The following DMD variants were observed in gnomAD, a reference collection of about 807,000 sequenced individuals.
DMD encodes mutant dystrophin.
In DMD, 63 loss-of-function variants were observed where a neutral mutation model predicts 330.1. The ratio of observed to expected loss-of-function variants is 0.19; its 90% confidence interval spans 0.16 to 0.24. The LOEUF is 0.24. Among genes scored for constraint, DMD ranks in the 10% least tolerant of loss-of-function variants. The pLI, the probability that DMD is intolerant of heterozygous loss-of-function variation, is 1.00. For missense variants in DMD, 3,344 were observed against 2,684.1 expected (o/e 1.25, Z -5.43); for synonymous variants, 1,223 against 959.8 (o/e 1.27, Z -5.07).
intron 62 of DMD, among the ~76,000 whole-genome samples, chrX:31,319,004 C>T (rs1206064350): frequency 1.8e-5 from 2 of 112,311 alleles, no homozygotes; most frequent in African/African-American, 6.5e-5. Context: ...GAAAACCAAC[C>T]TTCGGCTAGA....
At chrX:31,948,833 T>C (rs1232430766) in intron 45 of DMD, among the ~76,000 whole-genome samples, 1 of 111,801 alleles carries the variant, frequency 8.9e-6, no homozygotes, top group Non-Finnish European at 1.9e-5. Context: ...CTTGTCACCT[T>C]TGTCATATAT....
At chrX:32,420,354 G>A (rs970351680) in intron 29 of DMD, among the ~76,000 whole-genome samples, 1 of 112,096 alleles carries the variant, frequency 8.9e-6, no homozygotes, top group Non-Finnish European at 1.9e-5. Context: ...GTTTATACAT[G>A]AGACAAAAGT....
intron 63 of DMD, among the ~76,000 whole-genome samples, chrX:31,228,874 T>C (rs182020767): frequency 7.1e-4 from 80 of 112,262 alleles, no homozygotes; most frequent in African/African-American, 2.4e-3. Context: ...ACTTGTATTA[T>C]TTTATCCAGG....
chrX:31,123,642 G>A (rs927493152), intron 78 of DMD, among the ~76,000 whole-genome samples: 5 of 112,095 alleles, frequency 4.5e-5, no homozygotes, highest in Non-Finnish European at 7.5e-5. Context: ...ATTGAAGATA[G>A]ATGGACTAAC....
intron 19 of DMD, among the ~76,000 whole-genome samples, chrX:32,494,136 G>C (rs1351120337): frequency 9.0e-6 from 1 of 111,469 alleles, no homozygotes; most frequent in Non-Finnish European, 1.9e-5. Context: ...AGGCTCTGCA[G>C]TATCCGTTAA....
At chrX:33,262,684 A>C (rs1465184793) in intron 1 of DMD, among the ~76,000 whole-genome samples, 1 of 111,193 alleles carries the variant, frequency 9.0e-6, no homozygotes, top group Non-Finnish European at 1.9e-5. Flanking sequence ...CTACAGGTGA[A>C]TAGAGAAAAG....
At chrX:32,350,738 A>G (rs1418733375) in intron 37 of DMD, among the ~76,000 whole-genome samples, 1 of 111,222 alleles carries the variant, frequency 9.0e-6, no homozygotes, top group Non-Finnish European at 1.9e-5. Flanking sequence ...AACCTCCTGC[A>G]TCTATTGAGT....
chrX:33,053,859 G>A (rs1432610359), intron 1 of DMD, among the ~76,000 whole-genome samples: 1 of 109,979 alleles, frequency 9.1e-6, no homozygotes, highest in Non-Finnish European at 1.9e-5. Flanking sequence ...GGATGGGTGG[G>A]TTCGGTGGGT....
intron 2 of DMD, among the ~76,000 whole-genome samples, chrX:33,010,062 A>ACATGTG (rs2093648346): frequency 2.9e-5 from 1 of 34,472 alleles, no homozygotes; most frequent in Admixed American, 2.8e-4. Context: ...ATATACGTGT[A>ACATGTG]TATATACACA....
At chrX:32,977,430 C>T (rs969940192) in intron 2 of DMD, among the ~76,000 whole-genome samples, 1 of 111,760 alleles carries the variant, frequency 8.9e-6, no homozygotes, top group Non-Finnish European at 1.9e-5. Flanking sequence ...CTGTGGCCGA[C>T]TTGGTTCTAA....
At chrX:31,192,549 T>G (rs1436332297) in intron 67 of DMD, among the ~76,000 whole-genome samples, 1 of 111,992 alleles carries the variant, frequency 8.9e-6, no homozygotes, top group Non-Finnish European at 1.9e-5. Flanking sequence ...GAAGATCAGG[T>G]AAGACTTTGC....
intron 55 of DMD, among the ~76,000 whole-genome samples, chrX:31,587,053 A>G (rs1240717776): frequency 8.9e-6 from 1 of 112,004 alleles, no homozygotes. Flanking sequence ...TCTACTTTCA[A>G]AATATAAAAA....
At chrX:32,785,303 G>T (rs2075255980) in intron 7 of DMD, among the ~76,000 whole-genome samples, 1 of 110,586 alleles carries the variant, frequency 9.0e-6, no homozygotes, top group Non-Finnish European at 1.9e-5. Flanking sequence ...TATTTGGCTT[G>T]TGTAAGTAAC....
intron 48 of DMD, among the ~76,000 whole-genome samples, chrX:31,849,181 G>A (rs998634714): frequency 3.7e-5 from 4 of 108,791 alleles, no homozygotes; most frequent in Non-Finnish European, 7.6e-5. Flanking sequence ...ACATTATAAG[G>A]AGGACATAAA....
intron 9 of DMD, among the ~76,000 whole-genome samples, chrX:32,682,894 G>A (rs181953826): frequency 2.9e-3 from 326 of 111,668 alleles, no homozygotes; most frequent in African/African-American, 8.8e-3. Context: ...TTCCCTTTGC[G>A]GAGTGACTGG....
intron 60 of DMD, among the ~76,000 whole-genome samples, chrX:31,408,682 A>ATCAC (rs964428759): frequency 6.4e-5 from 7 of 109,204 alleles, no homozygotes; most frequent in African/African-American, 2.4e-4. Context: ...TACAGGCGTG[A>ATCAC]GCCACTGCAC....
At chrX:31,199,550 C>T (rs2043233341) in intron 67 of DMD, among the ~76,000 whole-genome samples, 1 of 111,833 alleles carries the variant, frequency 8.9e-6, no homozygotes, top group Admixed American at 9.5e-5. Context: ...AGGTGATTTC[C>T]TTTTCTAAGT....
At position 32,099,107 on chromosome X, in the gene DMD, C is replaced by T. The variant is rs1336301506; in HGVS notation, c.6438+117809G>A. 8.1e-5 allele frequency among the ~76,000 whole-genome samples: 9 copies of T among 111,360 alleles called. No homozygotes were observed. The Admixed American group carries it at 8.6e-4, about 11-fold the overall frequency. On this transcript the variant is annotated intron_variant, in intron 44 of 78. Transcript: ENST00000357033. ...GTTAAGAATGTACTAGTTTACAATC[C>T]CACCAACAGTGTAAAAGTGTTCCTA...
At chrX:31,293,626 C>A (rs1240178454) in intron 62 of DMD, among the ~76,000 whole-genome samples, 1 of 111,456 alleles carries the variant, frequency 9.0e-6, no homozygotes, top group Non-Finnish European at 1.9e-5. Context: ...TTTCCGTAGC[C>A]ATACTCTACA....
Sources: gnomAD v4.1 joint callset for allele counts (sites outside exome capture counted in the v4.1 genomes callset) on GRCh38, gnomAD v4.1.1 for gene constraint, MANE v1.5 for transcripts, NCBI Gene and HGNC (gene_info 2026-07-23, HGNC 2026-07-21) for gene names.